Variants in DNER observed in about 807,000 individuals in gnomAD.
The protein encoded by DNER is delta and Notch-like epidermal growth factor-related receptor.
In DNER, 33 loss-of-function variants were observed where a neutral mutation model predicts 78.2. The observed-to-expected ratio is 0.42, with a 90% CI of 0.32 to 0.56. The LOEUF is 0.56. DNER is among the 20% of genes least tolerant of loss of function. The pLI, the probability that DNER is intolerant of heterozygous loss-of-function variation, is 0.11. For synonymous variants in DNER, 417 were observed against 384.8 expected (o/e 1.08, Z -0.98); for missense variants, 918 against 975.3 (o/e 0.94, Z 0.78).
At chr2:229,439,530 A>T (rs1339589154) in intron 8 of DNER, among the ~76,000 whole-genome samples, 2 of 152,228 alleles carry the variant, frequency 1.3e-5, no homozygotes, top group Non-Finnish European at 2.9e-5. Flanking sequence ...CTCAACGCTA[A>T]GCTCAGGCCC....
At chr2:229,453,920 TAAAAA>T (rs10602558) in intron 7 of DNER, among the ~76,000 whole-genome samples, 13 of 106,864 alleles carry the variant, frequency 1.2e-4, no homozygotes, top group African/African-American at 2.0e-4. Context: ...TAAAATATAT[TAAAAA>T]AAAAAAAAAA....
At chr2:229,531,473 A>T (rs1306251197) in intron 5 of DNER, among the ~76,000 whole-genome samples, 1 of 152,158 alleles carries the variant, frequency 6.6e-6, no homozygotes, top group Admixed American at 6.5e-5. Flanking sequence ...ACCAATTCAC[A>T]CTCAGAGGGA....
chr2:229,573,797 A>G (rs1697253206), intron 4 of DNER, among the ~76,000 whole-genome samples: 1 of 152,172 alleles, frequency 6.6e-6, no homozygotes, highest in African/African-American at 2.4e-5. Flanking sequence ...AAGACCATGA[A>G]AGCAGCAACC....
At chr2:229,538,368 T>C (rs1696451513) in intron 5 of DNER, among the ~76,000 whole-genome samples, 1 of 152,122 alleles carries the variant, frequency 6.6e-6, no homozygotes, top group Non-Finnish European at 1.5e-5. Flanking sequence ...TAGAAAAATG[T>C]ATATATATTT....
chr2:229,373,234 TAAAC>T (rs1692526909), intron 11 of DNER, among the ~76,000 whole-genome samples: 1 of 152,084 alleles, frequency 6.6e-6, no homozygotes, highest in Non-Finnish European at 1.5e-5. Flanking sequence ...GTAAGAAACT[TAAAC>T]AATTGAACAA....
At chr2:229,685,657 T>C (rs1272194835) in intron 1 of DNER, among the ~76,000 whole-genome samples, 1 of 152,216 alleles carries the variant, frequency 6.6e-6, no homozygotes, top group African/African-American at 2.4e-5. Context: ...ATTTCAGTGG[T>C]TGCAAATGTC....
At chr2:229,378,727 C>T (rs1559335408) in intron 11 of DNER, among the ~76,000 whole-genome samples, 1 of 152,170 alleles carries the variant, frequency 6.6e-6, no homozygotes, top group African/African-American at 2.4e-5. Flanking sequence ...CACAGATGCT[C>T]AGAGTTAGAA....
At chr2:229,714,089 G>C in intron 1 of DNER, 59 bp downstream of exon 1, 1 of 1,240,610 alleles carries the variant, frequency 8.1e-7, no homozygotes, top group Non-Finnish European at 1.0e-6. Flanking sequence ...CAGGGCCGGC[G>C]GGAAGAGGCT....
rs1481850788 is a variant in DNER, at chr2:229,387,147, TA to T, written c.1855+1117del. 2.6e-5 allele frequency among the ~76,000 whole-genome samples: 4 copies of T among 152,044 alleles called. No individual in the cohort carries two copies. The South Asian group carries it at 6.2e-4, about 24-fold the overall frequency. On this transcript the variant is annotated intron_variant, in intron 11 of 12. Transcript: ENST00000341772. ...TACACCATGGAATACTATGCAGCCA[TA>T]AAAAAGGATGAGTTCCTGTCCTTTG...
chr2:229,608,226 A>T (rs1189197725), intron 1 of DNER, among the ~76,000 whole-genome samples: 1 of 152,160 alleles, frequency 6.6e-6, no homozygotes, highest in Non-Finnish European at 1.5e-5. Flanking sequence ...GAGTTGACAA[A>T]TTACAGCTCA....
At chr2:229,422,095 C>G (rs972362640) in intron 8 of DNER, among the ~76,000 whole-genome samples, 1 of 152,050 alleles carries the variant, frequency 6.6e-6, no homozygotes, top group African/African-American at 2.4e-5. Flanking sequence ...ATTCTAAAAC[C>G]GTTTCTTCAG....
intron 11 of DNER, among the ~76,000 whole-genome samples, chr2:229,384,201 T>C (rs113462745): frequency 6.6e-6 from 1 of 152,188 alleles, no homozygotes; most frequent in African/African-American, 2.4e-5. Context: ...AAATAAGTTA[T>C]TTGAAATCAA....
rs555438084 is a variant in DNER at position 229,491,656 on chromosome 2, C to T, written c.1148-14403G>A. Among the ~76,000 whole-genome samples, 17 of 152,268 alleles carry T rather than the reference C, an allele frequency of 1.1e-4. No homozygotes were observed. The South Asian group carries it at 3.3e-3, about 30-fold the overall frequency. ...TTTACCTAGTCAACCTATCTGCAAT[C>T]CTATTCCCATTTTTCTTCATCCCTT... On this transcript the variant is annotated intron_variant, in intron 6 of 12. Transcript: ENST00000341772.
intron 8 of DNER, among the ~76,000 whole-genome samples, chr2:229,426,433 T>A (rs1574838184): frequency 1.1e-5 from 1 of 87,466 alleles, no homozygotes; most frequent in South Asian, 5.2e-4. Flanking sequence ...AGAGCGAGAC[T>A]CCATCTCAAA....
chr2:229,680,637 C>T (rs1026919693), intron 1 of DNER, among the ~76,000 whole-genome samples: 2 of 152,190 alleles, frequency 1.3e-5, no homozygotes, highest in Non-Finnish European at 2.9e-5. Context: ...GCTCTTCATG[C>T]CCTTTTAAGC....
chr2:229,616,720 G>A (rs1698170455), intron 1 of DNER, among the ~76,000 whole-genome samples: 1 of 152,204 alleles, frequency 6.6e-6, no homozygotes, highest in African/African-American at 2.4e-5. Context: ...TAGGGCCCTT[G>A]GCAGATCCAC....
At chr2:229,421,799 T>C (rs958383867) in intron 8 of DNER, among the ~76,000 whole-genome samples, 1 of 152,064 alleles carries the variant, frequency 6.6e-6, no homozygotes, top group African/African-American at 2.4e-5. Flanking sequence ...CCTTTTCAAT[T>C]GCATTTGCCC....
chr2:229,635,945 A>G (rs1227762223), intron 1 of DNER, among the ~76,000 whole-genome samples: 1 of 151,498 alleles, frequency 6.6e-6, no homozygotes, highest in Non-Finnish European at 1.5e-5. Context: ...TATATTATAT[A>G]TATTTTTTAT....
At chr2:229,458,931 A>G (rs1224973921) in intron 7 of DNER, among the ~76,000 whole-genome samples, 4 of 152,120 alleles carry the variant, frequency 2.6e-5, no homozygotes, top group African/African-American at 4.8e-5. Flanking sequence ...GTCAGCATAC[A>G]AAGTCAATAT....
Sources: gnomAD v4.1 joint callset for allele counts (sites outside exome capture counted in the v4.1 genomes callset) on GRCh38, gnomAD v4.1.1 for gene constraint, MANE v1.5 for transcripts, NCBI Gene and HGNC (gene_info 2026-07-23, HGNC 2026-07-21) for gene names.